EBF2: variants seen among roughly 807,000 people sequenced by gnomAD.
The protein encoded by EBF2 is transcription factor COE2.
Under a neutral mutation model 72.8 loss-of-function variants are expected in EBF2, and 21 were observed. That is an observed-to-expected ratio of 0.29 (90% CI 0.20 to 0.42). The LOEUF is 0.42. Among genes scored for constraint, EBF2 ranks in the 10% least tolerant of loss-of-function variants. EBF2 has a pLI of 1.00. For synonymous variants in EBF2, 299 were observed against 274.2 expected, an observed-to-expected ratio of 1.09 and a Z score of -0.89; for missense variants, 637 against 731.2, an observed-to-expected ratio of 0.87 and a Z score of 1.49.
intron 6 of EBF2, among the ~76,000 whole-genome samples, chr8:25,945,497 T>C (rs1217695949): frequency 1.3e-5 from 2 of 151,884 alleles, no homozygotes; most frequent in Non-Finnish European, 2.9e-5. Flanking sequence ...AGAGCCTCCC[T>C]AGGTTTGCTC....
chr8:26,006,225 C>T (rs923420408), intron 6 of EBF2, among the ~76,000 whole-genome samples: 3 of 152,168 alleles, frequency 2.0e-5, no homozygotes, highest in Non-Finnish European at 2.9e-5. Flanking sequence ...CATCATCACA[C>T]CACCCTCACC....
chr8:26,018,635 C>T (rs1328717202), intron 6 of EBF2, among the ~76,000 whole-genome samples: 2 of 151,676 alleles, frequency 1.3e-5, no homozygotes, highest in East Asian at 1.9e-4. Context: ...TGTGCCACTG[C>T]ACTCCAGCCT....
chr8:26,008,153 G>A (rs1039260627), intron 6 of EBF2, among the ~76,000 whole-genome samples: 2 of 151,888 alleles, frequency 1.3e-5, no homozygotes, highest in South Asian at 2.1e-4. Flanking sequence ...GTGATACACG[G>A]GTATGGGTCT....
intron 6 of EBF2, among the ~76,000 whole-genome samples, chr8:26,006,829 G>A (rs1804890647): frequency 6.6e-6 from 1 of 152,172 alleles, no homozygotes; most frequent in South Asian, 2.1e-4. Flanking sequence ...TTTAAAGGCC[G>A]TGGGACTGAG....
At position 25,934,984 on chromosome 8, in the gene EBF2, C is replaced by T. The variant is rs1803551418; in HGVS notation, c.552-26429G>A. Among the ~76,000 whole-genome samples the T allele has an allele frequency of 2.0e-5, 3 of 152,218 alleles. No individual in the cohort carries two copies. The South Asian group carries it at 6.2e-4, about 32-fold the overall frequency. ...AGCACCAAGCCCACCCCATTAGCTTCAGCCACAGGACCAAGCGACTTGCAA... is the reference window on the plus strand; with the variant it reads ...AGCACCAAGCCCACCCCATTAGCTTTAGCCACAGGACCAAGCGACTTGCAA... On this transcript the variant is annotated intron_variant, in intron 6 of 15. Coordinates refer to ENST00000520164, the MANE Select transcript of EBF2 (RefSeq NM_022659.4).
chr8:26,026,451 G>C (rs1049187450), intron 6 of EBF2, among the ~76,000 whole-genome samples: 2 of 152,190 alleles, frequency 1.3e-5, no homozygotes, highest in African/African-American at 4.8e-5. Context: ...GAGTCACAGA[G>C]AGGAGGCTCT....
At position 26,019,955 on chromosome 8, in the gene EBF2, T is replaced by C. The variant is rs186444509; in HGVS notation, c.551+13130A>G. Among the ~76,000 whole-genome samples the C allele has an allele frequency of 3.2e-3, 481 of 152,284 alleles. 12 individuals are homozygous for C. Among genetic ancestry groups the C allele is most frequent in the Admixed American group, 0.028 (431 of 15,306 alleles). On this transcript the variant is annotated intron_variant, in intron 6 of 15. Transcript: ENST00000520164. The stretch of plus-strand genomic sequence containing the variant: ...CTTCTCTGCAGAGAAGGAATGTTTC[T>C]ACCTGACAGGAAGAGTTCAGGGGGC...
intron 6 of EBF2, among the ~76,000 whole-genome samples, chr8:25,981,208 C>G (rs964139211): frequency 6.6e-6 from 1 of 152,144 alleles, no homozygotes; most frequent in South Asian, 2.1e-4. Flanking sequence ...GCATCACTCC[C>G]TTTACACATG....
At chr8:25,955,348 G>T (rs1253787850) in intron 6 of EBF2, among the ~76,000 whole-genome samples, 1 of 152,218 alleles carries the variant, frequency 6.6e-6, no homozygotes, top group African/African-American at 2.4e-5. Flanking sequence ...CAAGGTGAGA[G>T]GAAGGCCCTA....
intron 15 of EBF2, among the ~76,000 whole-genome samples, chr8:25,846,967 G>T (rs1429859729): frequency 6.6e-6 from 1 of 152,148 alleles, no homozygotes; most frequent in Non-Finnish European, 1.5e-5. Flanking sequence ...GGGGTAGGGG[G>T]TATAGGGTAA....
chr8:25,918,225 C>G (rs1803256976), intron 6 of EBF2, among the ~76,000 whole-genome samples: 1 of 152,332 alleles, frequency 6.6e-6, no homozygotes, highest in East Asian at 1.9e-4. Context: ...TATGGGTTCA[C>G]TCTCCAATGA....
intron 10 of EBF2, among the ~76,000 whole-genome samples, chr8:25,867,703 G>A (rs1802358530): frequency 2.0e-5 from 3 of 152,096 alleles, no homozygotes; most frequent in Admixed American, 1.3e-4. Flanking sequence ...CTAGATACCT[G>A]GCCTGAGATT....
chr8:25,917,046 A>G (rs1278180361), intron 6 of EBF2, among the ~76,000 whole-genome samples: 2 of 152,172 alleles, frequency 1.3e-5, no homozygotes, highest in African/African-American at 2.4e-5. Flanking sequence ...AATGTCTCCC[A>G]TAGCCCAAGT....
At chr8:25,959,793 G>A (rs1329675936) in intron 6 of EBF2, among the ~76,000 whole-genome samples, 2 of 151,676 alleles carry the variant, frequency 1.3e-5, no homozygotes, top group Non-Finnish European at 2.9e-5. Context: ...GCAAAACATG[G>A]CATCCAAAAT....
At chr8:25,910,666 T>C (rs1401768360) in intron 6 of EBF2, among the ~76,000 whole-genome samples, 1 of 152,230 alleles carries the variant, frequency 6.6e-6, no homozygotes, top group African/African-American at 2.4e-5. Context: ...TTATTCATTT[T>C]AAATTAGGAC....
chr8:25,985,926 T>C (rs1286301454), intron 6 of EBF2, among the ~76,000 whole-genome samples: 1 of 139,426 alleles, frequency 7.2e-6, no homozygotes, highest in Non-Finnish European at 1.5e-5. Context: ...CACCTGATCC[T>C]AGAAAGTTGA....
chr8:25,905,123 T>C (rs1443247046), intron 7 of EBF2, among the ~76,000 whole-genome samples: 1 of 152,048 alleles, frequency 6.6e-6, no homozygotes, highest in South Asian at 2.1e-4. Flanking sequence ...ATTAAGGAAA[T>C]GCAAATCAAA....
chr8:25,983,844 A>G (rs1214061158), intron 6 of EBF2, among the ~76,000 whole-genome samples: 1 of 152,274 alleles, frequency 6.6e-6, no homozygotes, highest in African/African-American at 2.4e-5. Context: ...ATGTCGATTT[A>G]AAAATCAAAA....
chr8:25,914,376 G>A lies in EBF2; in HGVS notation c.552-5821C>T, dbSNP rs575332575. On this transcript the variant is annotated intron_variant, in intron 6 of 15. Transcript: ENST00000520164. ...AGAGTCTACACCCAGGCAGCCCTAG[G>A]GAAGGTGAAGGTTAGCAGTGGGACC... 3.3e-5 allele frequency among the ~76,000 whole-genome samples: 5 copies of A among 152,294 alleles called. No individual in the cohort carries two copies. The South Asian group carries it at 1.0e-3, about 32-fold the overall frequency.
Sources: gnomAD v4.1 joint callset for allele counts (sites outside exome capture counted in the v4.1 genomes callset) on GRCh38, gnomAD v4.1.1 for gene constraint, MANE v1.5 for transcripts, NCBI Gene and HGNC (gene_info 2026-07-23, HGNC 2026-07-21) for gene names.